DNER: variants seen among roughly 807,000 people sequenced by gnomAD.
DNER encodes delta/notch like EGF repeat containing.
Under a neutral mutation model 78.2 loss-of-function variants are expected in DNER, and 33 were observed. The ratio of observed to expected loss-of-function variants is 0.42; its 90% confidence interval spans 0.32 to 0.56. The LOEUF (loss-of-function observed/expected upper bound fraction) is 0.56. Ranked by LOEUF, DNER falls within the 20% of genes least tolerant of loss-of-function variation. The probability of loss-of-function intolerance (pLI) is 0.11; values close to 1 mark genes in which losing one functional copy is unlikely to be tolerated. For synonymous variants in DNER, 417 were observed against 384.8 expected (o/e 1.08, Z -0.98); for missense variants, 918 against 975.3 (o/e 0.94, Z 0.78).
chr2:229,685,506 G>C (rs1370892059), intron 1 of DNER, among the ~76,000 whole-genome samples: 1 of 152,160 alleles, frequency 6.6e-6, no homozygotes, highest in Non-Finnish European at 1.5e-5. Flanking sequence ...GTAAAAGGTG[G>C]TGCCCATCCT....
chr2:229,404,424 A>ACC (rs35625013), intron 10 of DNER, among the ~76,000 whole-genome samples: 2 of 149,948 alleles, frequency 1.3e-5, no homozygotes, highest in African/African-American at 2.5e-5. Flanking sequence ...TCTCATGAGT[A>ACC]CTCACTCACT....
chr2:229,658,761 C>T (rs1698954989), intron 1 of DNER, among the ~76,000 whole-genome samples: 1 of 152,166 alleles, frequency 6.6e-6, no homozygotes, highest in South Asian at 2.1e-4. Context: ...CCTTGATGCC[C>T]TATTCTTCTA....
chr2:229,670,381 G>A (rs1479414692), intron 1 of DNER, among the ~76,000 whole-genome samples: 1 of 152,150 alleles, frequency 6.6e-6, no homozygotes, highest in African/African-American at 2.4e-5. Context: ...AGCACTCCCA[G>A]CTAAGTCTAT....
intron 3 of DNER, 131 bp downstream of exon 3, chr2:229,588,263 C>T: frequency 1.3e-6 from 1 of 755,836 alleles, no homozygotes; most frequent in Non-Finnish European, 2.2e-6. Flanking sequence ...GCAGGGGCCA[C>T]ATCTACCCGT....
At chr2:229,364,354 C>CTA (rs1329180205) in intron 12 of DNER, among the ~76,000 whole-genome samples, 1 of 152,106 alleles carries the variant, frequency 6.6e-6, no homozygotes, top group Non-Finnish European at 1.5e-5. Context: ...TTAATGAGGT[C>CTA]TACTACCTGC....
intron 6 of DNER, among the ~76,000 whole-genome samples, chr2:229,489,600 G>C (rs1695352317): frequency 1.3e-5 from 2 of 152,144 alleles, no homozygotes; most frequent in South Asian, 4.2e-4. Flanking sequence ...CCTGGTGCAG[G>C]CAAAGTGCTG....
intron 1 of DNER, among the ~76,000 whole-genome samples, chr2:229,679,860 C>T (rs541126404): frequency 6.6e-6 from 1 of 152,294 alleles, no homozygotes; most frequent in South Asian, 2.1e-4. Context: ...CCAATTCCAC[C>T]ACTCTTCAGG....
In DNER at chr2:229,686,672, C is replaced by G. The variant is rs375296415; in HGVS notation, c.276+27476G>C. Among the ~76,000 whole-genome samples, 4 of 152,332 alleles carry G rather than the reference C, an allele frequency of 2.6e-5. No individual in the cohort carries two copies. The East Asian group carries it at 7.7e-4, about 29-fold the overall frequency. The stretch of plus-strand genomic sequence containing the variant: ...AGCTGACTCCAGCCTGACTCCAGCA[C>G]TCACTCAGCTCACAAACAAATCCTG... On this transcript the variant is annotated intron_variant, in intron 1 of 12. Coordinates refer to ENST00000341772, the MANE Select transcript of DNER (RefSeq NM_139072.4).
chr2:229,697,296 G>C (rs1278233149), intron 1 of DNER, among the ~76,000 whole-genome samples: 1 of 152,188 alleles, frequency 6.6e-6, no homozygotes, highest in East Asian at 1.9e-4. Flanking sequence ...TCGAGAATAA[G>C]TAAATCCATG....
At chr2:229,492,469 C>A (rs1016669078) in intron 6 of DNER, among the ~76,000 whole-genome samples, 2 of 152,160 alleles carry the variant, frequency 1.3e-5, no homozygotes, top group African/African-American at 4.8e-5. Context: ...AATTCACAGA[C>A]CATTAATATG....
chr2:229,614,066 T>C (rs560661002), intron 1 of DNER, among the ~76,000 whole-genome samples: 355 of 151,380 alleles, frequency 2.3e-3, no homozygotes, highest in African/African-American at 8.2e-3. Context: ...TTAGGAGATA[T>C]ACCTAATGCT....
At chr2:229,402,754 G>A (rs1462841337) in intron 10 of DNER, among the ~76,000 whole-genome samples, 1 of 152,124 alleles carries the variant, frequency 6.6e-6, no homozygotes, top group Non-Finnish European at 1.5e-5. Flanking sequence ...GTTGCATCAG[G>A]GTATCTTTCC....
intron 11 of DNER, among the ~76,000 whole-genome samples, chr2:229,385,514 A>T (rs987906502): frequency 1.3e-5 from 2 of 152,186 alleles, no homozygotes; most frequent in South Asian, 2.1e-4. Flanking sequence ...TTCAAATAAG[A>T]AGAGAGGAAG....
chr2:229,395,348 A>G (rs1693112444), intron 10 of DNER, among the ~76,000 whole-genome samples: 1 of 152,206 alleles, frequency 6.6e-6, no homozygotes, highest in Non-Finnish European at 1.5e-5. Flanking sequence ...CTACTATGGG[A>G]TAAAACACCC....
intron 7 of DNER, among the ~76,000 whole-genome samples, chr2:229,464,468 T>A (rs34673867): frequency 0.037 from 5,563 of 152,170 alleles, 144 homozygotes; most frequent in South Asian, 0.062. Context: ...TAATTTGGAA[T>A]ACATAGAAGG....
At chr2:229,623,310 G>A (rs1698282892) in intron 1 of DNER, among the ~76,000 whole-genome samples, 1 of 152,050 alleles carries the variant, frequency 6.6e-6, no homozygotes, top group African/African-American at 2.4e-5. Context: ...CTCCTCATGA[G>A]CTAATCTCCA....
intron 8 of DNER, among the ~76,000 whole-genome samples, chr2:229,427,873 G>C (rs1316012778): frequency 6.6e-6 from 1 of 151,892 alleles, no homozygotes; most frequent in African/African-American, 2.4e-5. Context: ...TCAGGAGTTC[G>C]AGACCAGCCT....
At chr2:229,594,228 T>C (rs1424126937) in intron 1 of DNER, among the ~76,000 whole-genome samples, 4 of 152,130 alleles carry the variant, frequency 2.6e-5, no homozygotes, top group Non-Finnish European at 5.9e-5. Flanking sequence ...CTCCATAGAG[T>C]AACTTCTCTT....
rs774461974 is a variant in DNER, at chr2:229,447,434, G to A, written c.1368C>T (p.Cys456=). 1 of 1,614,132 alleles carries A rather than the reference G, an allele frequency of 6.2e-7. No homozygotes were observed. The highest frequency in any genetic ancestry group is 8.5e-7 in the Non-Finnish European group (1 of 1,180,022). Residue 456 remains cysteine, a synonymous_variant, in exon 8 of 13, where the codon TGC becomes TGT. Transcript: ENST00000341772. ...YVDGVHFTCN[C]SPGFTGPTCA... ...AGGTCGGCCCTGTGAAGCCCGGGCT[G>A]CAGTTGCAGGTAAAGTGTACCCCGT...
Sources: allele counts gnomAD v4.1 joint callset (sites outside exome capture counted in the v4.1 genomes callset), GRCh38; gene constraint gnomAD v4.1.1; transcripts MANE v1.5; gene names NCBI Gene and HGNC (gene_info 2026-07-23, HGNC 2026-07-21).